The following STS variants were observed in gnomAD, a reference collection of about 807,000 sequenced individuals.
STS encodes the protein steryl-sulfatase.
STS carries 7 observed loss-of-function variants against 26.8 expected under a neutral mutation model. The observed-to-expected ratio is 0.26, with a 90% confidence interval of 0.15 to 0.49. The LOEUF (loss-of-function observed/expected upper bound fraction) is 0.49, where lower values mean the gene tolerates loss of function less well. STS is among the 20% of genes least tolerant of loss of function. The probability of loss-of-function intolerance (pLI) is 0.98; values close to 1 mark genes in which losing one functional copy is unlikely to be tolerated. For missense variants in STS, 434 were observed against 465.6 expected (o/e 0.93, Z 0.63); for synonymous variants, 199 against 189.4 (o/e 1.05, Z -0.42).
At chrX:7,209,414 T>C (rs1920977399) in intron 2 of STS, among the ~76,000 whole-genome samples, 3 of 106,364 alleles carry the variant, frequency 2.8e-5, no homozygotes, top group Admixed American at 2.0e-4. Context: ...TAGAAATATA[T>C]ATTTTTATAC....
chrX:7,304,390 G>A (rs1198333217), intron 7 of STS, among the ~76,000 whole-genome samples: 1 of 111,155 alleles, frequency 9.0e-6, no homozygotes, highest in African/African-American at 3.3e-5. Flanking sequence ...TTATCTGGAG[G>A]TGGTATACAA....
At chrX:7,334,477 C>G (rs1420148592) in intron 10 of STS, among the ~76,000 whole-genome samples, 1 of 111,912 alleles carries the variant, frequency 8.9e-6, no homozygotes, top group African/African-American at 3.2e-5. Context: ...AAAGCAGCCC[C>G]TGTGCTCTGT....
intron 1 of STS, among the ~76,000 whole-genome samples, chrX:7,172,166 C>T (rs190701877): frequency 9.5e-4 from 106 of 111,513 alleles, no homozygotes; most frequent in Non-Finnish European, 1.6e-3. Context: ...TGAATTTTGG[C>T]CTCTGGAGTG....
At chrX:7,195,783 C>G (rs1030384956) in intron 2 of STS, among the ~76,000 whole-genome samples, 14 of 112,271 alleles carry the variant, frequency 1.2e-4, no homozygotes, top group African/African-American at 3.6e-4. Flanking sequence ...ATTCCACCCA[C>G]TTCTGTAAGA....
At chrX:7,187,475 A>C (rs1214626099) in intron 1 of STS, among the ~76,000 whole-genome samples, 35 of 111,970 alleles carry the variant, frequency 3.1e-4, no homozygotes, top group Non-Finnish European at 9.4e-5. Flanking sequence ...AATCAGTCAA[A>C]TTTCAACAAC....
intron 7 of STS, among the ~76,000 whole-genome samples, chrX:7,294,138 G>A (rs1434345631): frequency 1.8e-5 from 2 of 111,052 alleles, no homozygotes; most frequent in African/African-American, 6.6e-5. Flanking sequence ...TAATCTCTGA[G>A]TCTTATCAAG....
chrX:7,185,890 T>C (rs1330712994), intron 1 of STS, among the ~76,000 whole-genome samples: 1 of 112,559 alleles, frequency 8.9e-6, no homozygotes, highest in Non-Finnish European at 1.9e-5. Context: ...AACTTTACTT[T>C]GTGTTTGCCT....
intron 8 of STS, among the ~76,000 whole-genome samples, chrX:7,316,698 A>T (rs1324606051): frequency 8.9e-6 from 1 of 112,061 alleles, no homozygotes; most frequent in East Asian, 2.8e-4. Context: ...TTCATAATAG[A>T]TGGGTAATAC....
rs151332463 is a variant in STS at position 7,350,255 on chromosome X, C to T, written c.1731C>T (p.Ser577=). ...GAGAAAAACAGGATAAGAGACTGAG[C>T]CGCTAGCAGCGCCTGGGGACCAGAC... is the stretch of plus-strand genomic sequence containing the variant. ...CDREKQDKRL[S]R Residue 577 remains serine (S), a synonymous_variant, in exon 11 of 11, where the codon AGC becomes AGT. Coordinates refer to ENST00000674429, the MANE Select transcript of STS (RefSeq NM_001320752.2). 1.7e-6 allele frequency: 2 copies of T among 1,205,500 alleles called. No individual in the cohort carries two copies. The highest frequency in any genetic ancestry group is 2.2e-5 in the Admixed American group (1 of 45,448).
intron 2 of STS, among the ~76,000 whole-genome samples, chrX:7,210,385 A>G (rs1920994149): frequency 9.1e-6 from 1 of 109,977 alleles, no homozygotes; most frequent in Admixed American, 9.8e-5. Context: ...GAGAATATGC[A>G]TTTACTTATA....
At chrX:7,320,232 A>G (rs1258031494) in intron 8 of STS, among the ~76,000 whole-genome samples, 4 of 104,322 alleles carry the variant, frequency 3.8e-5, no homozygotes, top group East Asian at 2.9e-4. Context: ...ATGGAGAATT[A>G]CAAAGGTAGT....
intron 2 of STS, among the ~76,000 whole-genome samples, chrX:7,244,228 C>A (rs779566237): frequency 8.9e-6 from 1 of 111,896 alleles, no homozygotes; most frequent in East Asian, 2.8e-4. Flanking sequence ...GGACAAATGA[C>A]AAAATAAGCA....
chrX:7,315,138 A>G (rs1268595434), intron 8 of STS, among the ~76,000 whole-genome samples: 2 of 111,875 alleles, frequency 1.8e-5, no homozygotes, highest in African/African-American at 6.5e-5. Flanking sequence ...TCATTATTTC[A>G]TTTATTTCAC....
chrX:7,226,860 A>G (rs1461680305), intron 2 of STS, among the ~76,000 whole-genome samples: 1 of 111,939 alleles, frequency 8.9e-6, no homozygotes, highest in African/African-American at 3.2e-5. Context: ...GTGCTACTGC[A>G]CTCCAGCCTG....
rs777760498 is a variant in STS, at chrX:7,334,196, T to C, written c.1363+89T>C. 129 of 1,162,406 alleles carry C rather than the reference T, an allele frequency of 1.1e-4. No homozygotes were observed. In the African/African-American group the frequency reaches 2.1e-3, roughly 19 times the overall value. On this transcript the variant is annotated intron_variant, in intron 10 of 10. Transcript: ENST00000674429. ...AAACTAAAGGGTAAAAAGGTGGCTC[T>C]GCTCAATGGAGGCCAACAGGTGCCT...
intron 1 of STS, among the ~76,000 whole-genome samples, chrX:7,184,969 A>G (rs1212628049): frequency 2.7e-5 from 3 of 112,008 alleles, no homozygotes; most frequent in Non-Finnish European, 5.6e-5. Flanking sequence ...CATACTTGCA[A>G]TATACATCTG....
chrX:7,193,675 A>C (rs770530400), intron 2 of STS, among the ~76,000 whole-genome samples: 1 of 111,026 alleles, frequency 9.0e-6, no homozygotes, highest in East Asian at 2.8e-4. Context: ...ATTTGTTCTA[A>C]ATATCTAGTA....
At chrX:7,312,868 CTTCT>C (rs1201607701) in intron 8 of STS, among the ~76,000 whole-genome samples, 1 of 112,290 alleles carries the variant, frequency 8.9e-6, no homozygotes, top group African/African-American at 3.2e-5. Flanking sequence ...ATTTCTCTTC[CTTCT>C]GTCTCCTTCT....
intron 2 of STS, among the ~76,000 whole-genome samples, chrX:7,203,839 C>T (rs145918894): frequency 2.6e-4 from 29 of 111,239 alleles, no homozygotes; most frequent in South Asian, 1.5e-3. Context: ...GGGTGGAATA[C>T]GATGGCACAG....
Sources: gnomAD v4.1 joint callset for allele counts (sites outside exome capture counted in the v4.1 genomes callset) on GRCh38, gnomAD v4.1.1 for gene constraint, MANE v1.5 for transcripts, NCBI Gene and HGNC (gene_info 2026-07-23, HGNC 2026-07-21) for gene names.